Variants in UNC13B observed in about 807,000 individuals in gnomAD.
The protein encoded by UNC13B is unc-13 homolog B.
In UNC13B, 144 loss-of-function variants were observed where a neutral mutation model predicts 211.0. That is an observed-to-expected ratio of 0.68 (90% CI 0.60 to 0.78). UNC13B has a LOEUF of 0.78. UNC13B is among the 30% of genes least tolerant of loss of function. The probability of loss-of-function intolerance (pLI) is 0.00; values close to 1 mark genes in which losing one functional copy is unlikely to be tolerated. For missense variants in UNC13B, 1,777 were observed against 2,002.0 expected (o/e 0.89, Z 2.14); for synonymous variants, 709 against 725.8 (o/e 0.98, Z 0.37).
chr9:35,332,239 T>A (rs1367749241), intron 11 of UNC13B, among the ~76,000 whole-genome samples: 1 of 152,176 alleles, frequency 6.6e-6, no homozygotes, highest in East Asian at 1.9e-4. Flanking sequence ...CTTGAGCCAC[T>A]GCACCCAGCC....
chr9:35,297,945 C>T (rs1829478935), intron 8 of UNC13B, among the ~76,000 whole-genome samples: 1 of 152,130 alleles, frequency 6.6e-6, no homozygotes. Flanking sequence ...TCCTCTTCTC[C>T]TTTGTAATTA....
In UNC13B at chr9:35,297,914, G is replaced by A. The variant is rs144937530; in HGVS notation, c.761+1984G>A. ...ATGGTTAAAAAATTTGGTATATGCC[G>A]TATTTCTCCAGTGTAAAGTTTCCTC... On this transcript the variant is annotated intron_variant, in intron 8 of 39. Coordinates refer to ENST00000635942, the MANE Select transcript of UNC13B (RefSeq NM_001371189.2). 6.6e-5 allele frequency among the ~76,000 whole-genome samples: 10 copies of A among 152,110 alleles called. No homozygotes were observed. In the East Asian group the frequency reaches 1.7e-3, roughly 26 times the overall value.
intron 1 of UNC13B, among the ~76,000 whole-genome samples, chr9:35,201,113 G>A (rs1348131192): frequency 6.6e-6 from 1 of 152,096 alleles, no homozygotes; most frequent in African/African-American, 2.4e-5. Context: ...TTTGTCTTTG[G>A]TTCTGTTTGT....
intron 1 of UNC13B, among the ~76,000 whole-genome samples, chr9:35,165,268 T>G (rs1280501594): frequency 6.6e-6 from 1 of 152,122 alleles, no homozygotes; most frequent in Admixed American, 6.6e-5. Flanking sequence ...AAATTAGATT[T>G]TAGCTTAACA....
At chr9:35,200,310 G>A (rs940742231) in intron 1 of UNC13B, among the ~76,000 whole-genome samples, 1 of 152,276 alleles carries the variant, frequency 6.6e-6, no homozygotes, top group African/African-American at 2.4e-5. Context: ...GATTGTCTTG[G>A]CAATGCAGGC....
rs1829973308 is a variant in UNC13B at position 35,307,321 on chromosome 9, C to A, written c.7917C>A (p.Asp2639Glu). The change falls in exon 9 of 40, where the codon GAC becomes GAA. Residue 2639 changes from aspartate to glutamate, a missense_variant. Transcript: ENST00000635942. ...EGDMGILQAT[D>E]TEASLEAENF... ...ACATGGGGATATTGCAAGCTACAGACACGGAGGCATCGTTAGAAGCAGAGA... is the reference window on the plus strand; with the variant it reads ...ACATGGGGATATTGCAAGCTACAGAAACGGAGGCATCGTTAGAAGCAGAGA... 1.0e-5 allele frequency: 4 copies of A among 398,896 alleles called. No homozygotes were observed. The highest frequency in any genetic ancestry group is 1.8e-5 in the Non-Finnish European group (4 of 226,080). 24.7% of individuals were successfully genotyped at this position (398,896 alleles called of 1,614,324 possible). A position where few individuals can be genotyped will look rare whatever the true frequency, so the allele number is the denominator to read the frequency against.
intron 11 of UNC13B, among the ~76,000 whole-genome samples, chr9:35,359,086 T>C (rs1236700027): frequency 6.6e-6 from 1 of 152,066 alleles, no homozygotes; most frequent in Non-Finnish European, 1.5e-5. Flanking sequence ...CCCAGAATGA[T>C]TTGTTGAAAA....
Position 35,387,430 on chromosome 9 carries a change from A to C in UNC13B, c.11094+1137A>C, listed in dbSNP as rs180942148. Among the ~76,000 whole-genome samples, 9 of 152,306 alleles carry C rather than the reference A, an allele frequency of 5.9e-5. No individual in the cohort carries two copies. The East Asian group carries it at 1.7e-3, about 29-fold the overall frequency. On this transcript the variant is annotated intron_variant, in intron 24 of 39. Transcript: ENST00000635942. ...TACTTTCTGTGCCAGCCATGTATTT[A>C]AGGCTTCTTCCTTTTAAGGTTTCTA...
intron 1 of UNC13B, among the ~76,000 whole-genome samples, chr9:35,163,253 A>G (rs1820871171): frequency 6.6e-6 from 1 of 152,234 alleles, no homozygotes; most frequent in Non-Finnish European, 1.5e-5. Context: ...TTTATCAACT[A>G]GAGCCTTTAC....
rs1251017962 is a variant in UNC13B, at chr9:35,300,407, A to G, written c.1003A>G (p.Ile335Val). 2 of 398,900 alleles carry G rather than the reference A, an allele frequency of 5.0e-6. No individual in the cohort carries two copies. Among genetic ancestry groups the G allele is most frequent in the African/African-American group, 2.1e-5 (1 of 48,638 alleles). The allele number at this position is 398,900 out of a possible 1,614,324, so 24.7% of individuals were successfully genotyped here. The part of the protein sequence containing the change: ...GFVVKSGMQR[I>V]KLESHDYDLS... ...TGTGGTTAAGAGTGGCATGCAGCGC[A>G]TTAAGTTGGAAAGTCATGATTATGA... is the stretch of plus-strand genomic sequence containing the variant. Residue 335 changes from isoleucine (I) to valine (V), a missense_variant, in exon 9 of 40, where the codon ATT (isoleucine) becomes GTT (valine). By Grantham distance (29) the Ile-to-Val change is conservative (BLOSUM62 3). Coordinates refer to ENST00000635942, the MANE Select transcript of UNC13B (RefSeq NM_001371189.2).
At chr9:35,378,131 T>C (rs1834563737) in intron 16 of UNC13B, among the ~76,000 whole-genome samples, 164 bp from the exon 17 acceptor site, 1 of 152,000 alleles carries the variant, frequency 6.6e-6, no homozygotes, top group Non-Finnish European at 1.5e-5. Flanking sequence ...TGCTTGGGCT[T>C]TAAGGGAAAG....
chr9:35,327,933 A>C (rs1056107332), intron 11 of UNC13B, among the ~76,000 whole-genome samples: 6 of 152,240 alleles, frequency 3.9e-5, no homozygotes, highest in South Asian at 4.1e-4. Context: ...GTCAGTAGAA[A>C]GGAATTCAAA....
At position 35,352,592 on chromosome 9, in the gene UNC13B, C is replaced by G. The variant is rs1326669308; in HGVS notation, c.9415-14355C>G. The G allele has an allele frequency of 4.9e-6, 6 of 1,232,014 alleles. No individual in the cohort carries two copies. In the African/African-American group the frequency reaches 6.2e-5, roughly 13 times the overall value. 76.3% of individuals were successfully genotyped at this position (1,232,014 alleles called of 1,614,324 possible). ...CAGGGGACCCATAACAGGAACATAT[C>G]AGATGAAGGCTCAGGATCAACAGAG... On this transcript the variant is annotated intron_variant, in intron 11 of 39. Coordinates refer to ENST00000635942, the MANE Select transcript of UNC13B (RefSeq NM_001371189.2).
intron 9 of UNC13B, 148 bp from the exon 10 acceptor site, chr9:35,310,319 A>G (rs1174292104): frequency 1.2e-6 from 1 of 803,382 alleles, no homozygotes; most frequent in Non-Finnish European, 1.9e-6. Flanking sequence ...TAATTCTTCT[A>G]GATTATGAAG....
chr9:35,168,781 A>C (rs1256243341), intron 1 of UNC13B, among the ~76,000 whole-genome samples: 1 of 148,042 alleles, frequency 6.8e-6, no homozygotes, highest in African/African-American at 2.5e-5. Context: ...GGCTCACTGC[A>C]GTCTTGACCT....
At chr9:35,323,710 T>G (rs930351554) in intron 11 of UNC13B, among the ~76,000 whole-genome samples, 8 of 152,174 alleles carry the variant, frequency 5.3e-5, no homozygotes, top group Admixed American at 4.6e-4. Context: ...GAAGCCCTCT[T>G]TGGTAGAGAC....
Position 35,313,997 on chromosome 9 carries a change from A to G in UNC13B, c.9414+8A>G, listed in dbSNP as rs368221400. The G allele has an allele frequency of 3.1e-6, 5 of 1,610,846 alleles. No individual in the cohort carries two copies. Among genetic ancestry groups the G allele is most frequent in the African/African-American group, 2.7e-5 (2 of 74,858 alleles). ...CGACTCCAGCTGCAGGAGGTAGGAA[A>G]TCTGTTCTAGTACTGGTTGGGACAA... is the stretch of plus-strand genomic sequence containing the variant. On this transcript the variant is annotated splice_region_variant and intron_variant, in intron 11 of 39. Transcript: ENST00000635942.
intron 11 of UNC13B, among the ~76,000 whole-genome samples, chr9:35,330,911 G>A (rs1309291010): frequency 6.6e-6 from 1 of 152,194 alleles, no homozygotes; most frequent in Non-Finnish European, 1.5e-5. Context: ...AACCTGTCCA[G>A]AGTTAGAGAA....
intron 12 of UNC13B, among the ~76,000 whole-genome samples, chr9:35,368,528 A>T (rs111972375): frequency 6.6e-6 from 1 of 152,110 alleles, no homozygotes; most frequent in Non-Finnish European, 1.5e-5. Flanking sequence ...ATACTCATCC[A>T]TCTGTCTTTA....
Sources: gnomAD v4.1 joint callset for allele counts (sites outside exome capture counted in the v4.1 genomes callset) on GRCh38, gnomAD v4.1.1 for gene constraint, MANE v1.5 for transcripts, NCBI Gene and HGNC (gene_info 2026-07-23, HGNC 2026-07-21) for gene names.